CMTR1: variants seen among roughly 807,000 people sequenced by gnomAD.
CMTR1 encodes cap-specific mRNA (nucleoside-2'-O-)-methyltransferase 1.
In CMTR1, 39 loss-of-function variants were observed where a neutral mutation model predicts 107.0. The ratio of observed to expected loss-of-function variants is 0.36; its 90% CI spans 0.28 to 0.48. CMTR1 has a LOEUF of 0.48. Among genes scored for constraint, CMTR1 ranks in the 20% least tolerant of loss-of-function variants. The pLI, the probability that CMTR1 is intolerant of heterozygous loss-of-function variation, is 0.99. For synonymous variants in CMTR1, 366 were observed against 379.5 expected, an observed-to-expected ratio of 0.96 and a Z score of 0.41; for missense variants, 672 against 1,064.9, an observed-to-expected ratio of 0.63 and a Z score of 5.14.
chr6:37,426,433 GT>G, the CMTR1 span, among the ~76,000 whole-genome samples: 1 of 151,922 alleles, frequency 6.6e-6, no homozygotes. Flanking sequence ...AGGACTTGCT[GT>G]TTTTTGTATT....
chr6:37,460,468 A>G (rs1313709285), intron 10 of CMTR1, among the ~76,000 whole-genome samples: 2 of 151,160 alleles, frequency 1.3e-5, no homozygotes, highest in Non-Finnish European at 2.9e-5. Context: ...CGGCAGCTAT[A>G]GAGTTGGAAG....
intron 9 of CMTR1, 65 bp from the exon 10 acceptor site, chr6:37,459,501 C>T (rs942673653): frequency 3.6e-6 from 5 of 1,390,424 alleles, no homozygotes; most frequent in Admixed American, 1.7e-5. Flanking sequence ...ACCCAGAGCA[C>T]TCGTGTCCCA....
In CMTR1 at chr6:37,458,556, TG is replaced by T. The variant is rs1761342520; in HGVS notation, c.778-55del. On this transcript the variant is annotated intron_variant, in intron 8 of 23. Transcript: ENST00000373451. This position sits in a 1 kb window ranked among gnomAD's most constrained non-coding sequence, Gnocchi z 4.7. ...ACTCTCCCTGCATTCTCCTTCCTGT[TG>T]CCCATTGAGCTGTCTTGTTTTCCTT... 2 of 1,551,814 alleles carry T rather than the reference TG, an allele frequency of 1.3e-6. No homozygotes were observed. The highest frequency in any genetic ancestry group is 2.7e-5 in the African/African-American group (2 of 73,364).
intron 8 of CMTR1, among the ~76,000 whole-genome samples, chr6:37,455,336 C>T (rs575905906): frequency 6.6e-6 from 1 of 152,164 alleles, no homozygotes; most frequent in Non-Finnish European, 1.5e-5. Flanking sequence ...GCCTTGGCCT[C>T]CCAAAGTGTT....
chr6:37,474,739 A>G (rs1320479002), intron 18 of CMTR1, 93 bp downstream of exon 18: 1 of 1,552,336 alleles, frequency 6.4e-7, no homozygotes, highest in Non-Finnish European at 8.7e-7. Context: ...ACTTGGTTAC[A>G]TTGTGTGGTG....
chr6:37,471,725 T>C (rs1331611654), intron 14 of CMTR1, 122 bp from the exon 15 acceptor site: 2 of 770,062 alleles, frequency 2.6e-6, no homozygotes, highest in East Asian at 5.4e-5. Context: ...CAGCATAGTG[T>C]CTGTGTGTAC....
At chr6:37,450,150 G>C in intron 4 of CMTR1, 101 bp from the exon 5 acceptor site, 1 of 997,636 alleles carries the variant, frequency 1.0e-6, no homozygotes, top group Non-Finnish European at 1.6e-6. Context: ...TTCTCGGTCT[G>C]TCTCAGTCCC....
At chr6:37,477,989 G>A (rs1271229961) in intron 21 of CMTR1, among the ~76,000 whole-genome samples, 3 of 152,238 alleles carry the variant, frequency 2.0e-5, no homozygotes, top group Non-Finnish European at 4.4e-5. Context: ...AATTGAGCCT[G>A]GAGGGGTAGA....
intron 5 of CMTR1, among the ~76,000 whole-genome samples, chr6:37,450,639 G>A (rs1409147980): frequency 6.6e-6 from 1 of 152,138 alleles, no homozygotes; most frequent in Non-Finnish European, 1.5e-5. Flanking sequence ...ACATATCTGT[G>A]TATTCTGATC....
chr6:37,446,376 G>T lies in CMTR1; in HGVS notation c.371G>T (p.Gly124Val). 6.2e-7 allele frequency: 1 copy of T among 1,614,192 alleles called. No homozygotes were observed. The highest frequency in any genetic ancestry group is 8.5e-7 in the Non-Finnish European group (1 of 1,180,038). ...KDIVEASSQK[G>V]RRGLGLTLRG... ...ATCGTTGAGGCTTCCAGTCAGAAAG[G>T]TCGAAGAGGCTTGGGTCTGACACTC... Residue 124 changes from glycine to valine, a missense_variant, in exon 4 of 24, where the codon GGT becomes GTT. Gly to Val is a moderately radical substitution (Grantham distance 109). Transcript: ENST00000373451.
intron 19 of CMTR1, chr6:37,475,722 T>TC: frequency 3.9e-6 from 2 of 507,988 alleles, no homozygotes; most frequent in Non-Finnish European, 7.1e-6. Context: ...GAGGGGGTAC[T>TC]CCTTGGAAGA....
chr6:37,467,946 T>C (rs919033521), intron 13 of CMTR1, among the ~76,000 whole-genome samples: 10 of 151,992 alleles, frequency 6.6e-5, no homozygotes, highest in Admixed American at 3.3e-4. Context: ...TGCATTTACA[T>C]TGAGTGTAAT....
Position 37,472,678 on chromosome 6 carries a change from C to G in CMTR1, c.1689+191C>G, listed in dbSNP as rs1031945664. On this transcript the variant is annotated intron_variant, in intron 16 of 23. Transcript: ENST00000373451. This position sits in a 1 kb window ranked among gnomAD's most constrained non-coding sequence, Gnocchi z 4.1. ...TAGGGTGTTGAATTCCCCAAGAGCACAGTCAGGCCAACGGAAGATTCTCAT... is the reference window on the plus strand; with the variant it reads ...TAGGGTGTTGAATTCCCCAAGAGCAGAGTCAGGCCAACGGAAGATTCTCAT... 1.3e-5 allele frequency among the ~76,000 whole-genome samples: 2 copies of G among 152,210 alleles called. No homozygotes were observed. Among genetic ancestry groups the G allele is most frequent in the African/African-American group, 4.8e-5 (2 of 41,456 alleles).
intron 20 of CMTR1, among the ~76,000 whole-genome samples, chr6:37,476,477 G>A (rs1163766053): frequency 6.6e-6 from 1 of 152,206 alleles, no homozygotes; most frequent in Non-Finnish European, 1.5e-5. Flanking sequence ...ATGAATACCC[G>A]TTCCCACTTG....
intron 21 of CMTR1, 112 bp from the exon 22 acceptor site, chr6:37,478,297 T>C: frequency 1.2e-6 from 1 of 854,940 alleles, no homozygotes. Flanking sequence ...AGTTTCATCT[T>C]AAGTCAAACC....
intron 18 of CMTR1, 28 bp from the exon 19 acceptor site, chr6:37,475,293 T>G (rs1447036808): frequency 6.3e-7 from 1 of 1,577,202 alleles, no homozygotes; most frequent in Non-Finnish European, 8.7e-7. Flanking sequence ...CCTGGCAGAG[T>G]GGGCAGTGTA....
At chr6:37,425,971 T>C in the CMTR1 span, among the ~76,000 whole-genome samples, 1 of 152,210 alleles carries the variant, frequency 6.6e-6, no homozygotes, top group Admixed American at 6.5e-5. Flanking sequence ...TGTTTTGTTG[T>C]CTTTTTTATT....
intron 13 of CMTR1, among the ~76,000 whole-genome samples, chr6:37,467,016 A>C (rs1018329304): frequency 6.6e-6 from 1 of 152,112 alleles, no homozygotes; most frequent in African/African-American, 2.4e-5. Flanking sequence ...CAAAACGTAC[A>C]AAAATTAGCT....
intron 19 of CMTR1, 181 bp downstream of exon 19, chr6:37,475,593 C>G (rs746412068): frequency 2.0e-5 from 12 of 612,798 alleles, no homozygotes; most frequent in Non-Finnish European, 3.5e-5. Flanking sequence ...GTTGCCACTT[C>G]AGAGTTTGCT....
Sources: allele counts gnomAD v4.1 joint callset (sites outside exome capture counted in the v4.1 genomes callset), GRCh38; gene constraint gnomAD v4.1.1; non-coding constraint Gnocchi (gnomAD v3.1); transcripts MANE v1.5; gene names NCBI Gene and HGNC (gene_info 2026-07-23, HGNC 2026-07-21).